Variants in ACSL5 observed in about 807,000 individuals in gnomAD.
The protein encoded by ACSL5 is long-chain-fatty-acid--CoA ligase 5.
ACSL5 carries 50 observed loss-of-function variants against 84.9 expected under a neutral mutation model. That is an observed-to-expected ratio of 0.59 (90% CI 0.47 to 0.75). The LOEUF (loss-of-function observed/expected upper bound fraction) is 0.75. ACSL5 is among the 30% of genes least tolerant of loss of function. The pLI is 0.00. For missense variants in ACSL5, 775 were observed against 830.4 expected (o/e 0.93, Z 0.82); for synonymous variants, 280 against 300.7 (o/e 0.93, Z 0.71).
At chr10:112,414,737 T>C (rs1732654430) in intron 12 of ACSL5, among the ~76,000 whole-genome samples, 1 of 152,098 alleles carries the variant, frequency 6.6e-6, no homozygotes, top group South Asian at 2.1e-4. Flanking sequence ...GCTTCCTTGG[T>C]TTCTGGCACA....
chr10:112,426,175 A>G (rs1253743275), intron 18 of ACSL5, 83 bp from the exon 19 acceptor site: 5 of 1,079,556 alleles, frequency 4.6e-6, no homozygotes, highest in Non-Finnish European at 7.1e-6. Context: ...TTACAATGAC[A>G]TAATTCTGCT....
Position 112,426,352 on chromosome 10 carries a change from A to C in ACSL5, c.1832A>C (p.Gln611Pro). 1.2e-6 allele frequency: 2 copies of C among 1,613,890 alleles called. No individual in the cohort carries two copies. The highest frequency in any genetic ancestry group is 8.5e-7 in the Non-Finnish European group (1 of 1,179,800). ...GVKGSFEELC[Q>P]NQVVREAILE... is the part of the protein sequence containing the mutation. ...AAGGGCTCCTTTGAGGAACTGTGCC[A>C]AAACCAAGTAAGTCTTGCCTAGGAA... Residue 611 changes from glutamine to proline, a missense_variant, in exon 19 of 21, where the codon CAA (glutamine) becomes CCA (proline). Physicochemically the swap from Gln to Pro is moderately conservative, Grantham distance 76. Transcript: ENST00000354655.
intron 14 of ACSL5, among the ~76,000 whole-genome samples, chr10:112,421,142 T>TTTTG (rs1243183671): frequency 3.3e-5 from 5 of 152,030 alleles, no homozygotes; most frequent in African/African-American, 1.2e-4. Context: ...GTTCAAGGTT[T>TTTTG]TTTGTTTGTT....
Position 112,427,466 on chromosome 10 carries a change from T to C in ACSL5, c.*108T>C, listed in dbSNP as rs1844778990. The C allele has an allele frequency of 9.3e-7, 1 of 1,071,694 alleles. No homozygotes were observed. Among genetic ancestry groups the C allele is most frequent in the Admixed American group, 3.2e-5 (1 of 30,952 alleles). The allele number at this position is 1,071,694 out of a possible 1,614,324, so 66.4% of individuals were successfully genotyped here. On this transcript the variant is annotated 3_prime_UTR_variant, in exon 21 of 21. Transcript: ENST00000354655. ...CCTTTCCTCCTATTTTTTTTTAACC[T>C]GTTAAACTCTAAAGCCATAGCTTTT... is the stretch of plus-strand genomic sequence containing the variant.
rs893636534 is a variant in ACSL5 at position 112,415,190 on chromosome 10, A to AT, written c.1084-1688dup. 6.8e-4 allele frequency among the ~76,000 whole-genome samples: 103 copies of AT among 150,924 alleles called. 3 individuals are homozygous for AT. The highest frequency in any genetic ancestry group is 4.4e-4 in the Non-Finnish European group (30 of 67,606). The stretch of plus-strand genomic sequence containing the variant: ...AATACACAGTTCACTTCTGGAATGT[A>AT]TTTTTTTTTTGTTTTGTTTTTGTTT... On this transcript the variant is annotated intron_variant, in intron 12 of 20. Coordinates refer to ENST00000354655, the MANE Select transcript of ACSL5 (RefSeq NM_203379.2).
rs1844632758 is a variant in ACSL5, at chr10:112,425,459, T to C, written c.1715T>C (p.Phe572Ser). The C allele has an allele frequency of 6.2e-7, 1 of 1,612,886 alleles. No individual in the cohort carries two copies. The change falls in exon 18 of 21, where the codon TTT becomes TCT. Residue 572 changes from phenylalanine to serine, a missense_variant. Transcript: ENST00000354655. ...YNRSQPVLQIFVHGESLRSSL... is the reference protein window; with the variant it reads ...YNRSQPVLQISVHGESLRSSL... ...AGGAGTCAACCAGTGTTACAAATTT[T>C]TGTACACGGGGAGAGCTTACGGGTA...
intron 1 of ACSL5, among the ~76,000 whole-genome samples, chr10:112,379,665 C>T (rs1478377447): frequency 6.6e-6 from 1 of 152,190 alleles, no homozygotes. Context: ...GCGATTTTCA[C>T]CTGCTCCTTC....
intron 3 of ACSL5, among the ~76,000 whole-genome samples, chr10:112,403,769 G>A (rs58545852): frequency 0.011 from 1,690 of 152,242 alleles, 38 homozygotes; most frequent in African/African-American, 0.038. Flanking sequence ...CTATTCTAAG[G>A]AAATGGTCTA....
chr10:112,397,198 C>T (rs542779131), intron 2 of ACSL5, among the ~76,000 whole-genome samples: 3 of 149,920 alleles, frequency 2.0e-5, no homozygotes, highest in Non-Finnish European at 3.0e-5. Context: ...GAGGAAGTCT[C>T]GCTCTTGTCC....
intron 11 of ACSL5, 35 bp downstream of exon 11, chr10:112,412,014 G>A: frequency 6.4e-7 from 1 of 1,564,596 alleles, no homozygotes; most frequent in Non-Finnish European, 8.8e-7. Flanking sequence ...TATGTGGCAA[G>A]GGGGTCCTGA....
chr10:112,401,167 G>T (rs1490573682), intron 3 of ACSL5, among the ~76,000 whole-genome samples: 1 of 152,080 alleles, frequency 6.6e-6, no homozygotes, highest in African/African-American at 2.4e-5. Context: ...AGTGAGCCGA[G>T]ATCGCGCCAC....
chr10:112,426,451 C>G, intron 19 of ACSL5, 92 bp downstream of exon 19: 8 of 1,084,740 alleles, frequency 7.4e-6, no homozygotes, highest in Non-Finnish European at 1.1e-5. Context: ...TCACAAGTGG[C>G]TGCAGCCCAA....
intron 12 of ACSL5, among the ~76,000 whole-genome samples, chr10:112,416,267 T>A (rs555700497): frequency 6.6e-6 from 1 of 151,894 alleles, no homozygotes; most frequent in Non-Finnish European, 1.5e-5. Context: ...GTCAGGAGAT[T>A]GAGACCATCC....
chr10:112,411,796 A>T lies in ACSL5; in HGVS notation c.871-106A>T, dbSNP rs1844185757. The T allele has an allele frequency of 3.7e-6, 4 of 1,080,504 alleles. No homozygotes were observed. The South Asian group carries it at 5.3e-5, about 14-fold the overall frequency. 66.9% of individuals were successfully genotyped at this position (1,080,504 alleles called of 1,614,324 possible). A position where few individuals can be genotyped will look rare whatever the true frequency, so the allele number is the denominator to read the frequency against. On this transcript the variant is annotated intron_variant, in intron 10 of 20. Coordinates refer to ENST00000354655, the MANE Select transcript of ACSL5 (RefSeq NM_203379.2). Reference sequence around the variant, plus strand: ...GATCTACACAGTGTACCGCCTATACAGCTGTCTGTGGTAGTCCTGGGAGGA... The same window carrying T: ...GATCTACACAGTGTACCGCCTATACTGCTGTCTGTGGTAGTCCTGGGAGGA...
intron 16 of ACSL5, 91 bp downstream of exon 16, chr10:112,422,126 C>A (rs1177367377): frequency 2.1e-6 from 3 of 1,428,182 alleles, no homozygotes; most frequent in South Asian, 1.2e-5. Context: ...TGGATTTGGC[C>A]CCTTTGAGAT....
intron 1 of ACSL5, among the ~76,000 whole-genome samples, chr10:112,390,655 AATAGATAGATAGATAGATAG>A (rs56390024): frequency 1.3e-4 from 20 of 149,452 alleles, no homozygotes; most frequent in Non-Finnish European, 2.5e-4. Context: ...TAGATAGATA[AATAGATAGATAGATAGATAG>A]ATAGATAGAT....
intron 14 of ACSL5, among the ~76,000 whole-genome samples, chr10:112,418,522 C>A (rs1187739123): frequency 6.6e-6 from 1 of 151,984 alleles, no homozygotes; most frequent in Non-Finnish European, 1.5e-5. Context: ...GTGGAGCTTG[C>A]AGTGAGCTGA....
At chr10:112,418,595 T>C (rs1405682082) in intron 14 of ACSL5, among the ~76,000 whole-genome samples, 2 of 151,140 alleles carry the variant, frequency 1.3e-5, no homozygotes, top group African/African-American at 2.4e-5. Flanking sequence ...AAAATAAAAA[T>C]AAAAAAAATA....
intron 12 of ACSL5, among the ~76,000 whole-genome samples, chr10:112,415,234 C>T (rs766524119): frequency 1.3e-5 from 2 of 152,056 alleles, no homozygotes; most frequent in African/African-American, 4.8e-5. Context: ...GAGTCTCGCT[C>T]TGTCGCCCAG....
Sources: allele counts gnomAD v4.1 joint callset (sites outside exome capture counted in the v4.1 genomes callset), GRCh38; gene constraint gnomAD v4.1.1; transcripts MANE v1.5; gene names NCBI Gene and HGNC (gene_info 2026-07-23, HGNC 2026-07-21).